The following CBL variants were observed in gnomAD, a reference collection of about 807,000 sequenced individuals.
The protein encoded by CBL is E3 ubiquitin-protein ligase CBL.
A neutral mutation model predicts 96.9 loss-of-function variants in CBL; 45 were observed. That is an observed-to-expected ratio of 0.46 (90% CI 0.37 to 0.60). The LOEUF (loss-of-function observed/expected upper bound fraction) is 0.60. Among genes scored for constraint, CBL ranks in the 20% least tolerant of loss-of-function variants. The pLI, the probability that CBL is intolerant of heterozygous loss-of-function variation, is 0.00. For synonymous variants in CBL, 420 were observed against 426.8 expected (o/e 0.98, Z 0.20); for missense variants, 1,024 against 1,143.5 (o/e 0.90, Z 1.51).
intron 1 of CBL, among the ~76,000 whole-genome samples, chr11:119,230,298 G>T (rs375957741): frequency 6.6e-6 from 1 of 151,812 alleles, no homozygotes; most frequent in African/African-American, 2.4e-5. Context: ...GACTACAGGC[G>T]CCCGCCACCA....
At chr11:119,256,175 G>T (rs949030732) in intron 2 of CBL, among the ~76,000 whole-genome samples, 6 of 151,312 alleles carry the variant, frequency 4.0e-5, no homozygotes, top group African/African-American at 1.2e-4. Flanking sequence ...CATTCTACTT[G>T]ATAGTATTTG....
At chr11:119,245,923 A>AAGCTAAT (rs1346015263) in intron 2 of CBL, among the ~76,000 whole-genome samples, 1 of 145,884 alleles carries the variant, frequency 6.9e-6, no homozygotes, top group Non-Finnish European at 1.5e-5. Flanking sequence ...ATAGCAGCCC[A>AAGCTAAT]AGCAAACTAA....
At chr11:119,296,794 C>T in intron 12 of CBL, 124 bp from the exon 13 acceptor site, 1 of 685,920 alleles carries the variant, frequency 1.5e-6, no homozygotes, top group Non-Finnish European at 2.7e-6. Context: ...ATAATAGTTC[C>T]CTAGGTGACA....
intron 2 of CBL, among the ~76,000 whole-genome samples, chr11:119,254,088 C>G (rs1022773629): frequency 6.6e-6 from 1 of 150,434 alleles, no homozygotes; most frequent in African/African-American, 2.5e-5. Flanking sequence ...GTGCCTCACA[C>G]CTGTAATTCT....
intron 14 of CBL, among the ~76,000 whole-genome samples, chr11:119,297,828 C>T (rs759707782): frequency 3.9e-5 from 6 of 152,202 alleles, no homozygotes; most frequent in African/African-American, 1.4e-4. Flanking sequence ...TCCTTTATTT[C>T]CTACTCACAC....
intron 15 of CBL, 81 bp downstream of exon 15, chr11:119,298,621 C>A: frequency 8.1e-7 from 1 of 1,230,372 alleles, no homozygotes; most frequent in Non-Finnish European, 1.2e-6. Context: ...ATGACCTTCT[C>A]TGGTGACAGT....
intron 9 of CBL, among the ~76,000 whole-genome samples, chr11:119,280,631 A>G (rs959648872): frequency 3.3e-5 from 5 of 152,104 alleles, no homozygotes; most frequent in Non-Finnish European, 7.4e-5. Flanking sequence ...GCTAAAAAAA[A>G]CTTACAAAAA....
chr11:119,226,828 T>TA (rs1949463384), intron 1 of CBL, among the ~76,000 whole-genome samples: 1 of 152,196 alleles, frequency 6.6e-6, no homozygotes, highest in Non-Finnish European at 1.5e-5. Flanking sequence ...TTTAGTCCTT[T>TA]AAAAATTTAA....
chr11:119,230,672 C>T (rs1357551217), intron 1 of CBL, among the ~76,000 whole-genome samples: 5 of 152,100 alleles, frequency 3.3e-5, no homozygotes. Flanking sequence ...TATTTTTTCT[C>T]ATATGGATAA....
At position 119,300,102 on chromosome 11, in the gene CBL, C is replaced by G. The variant is rs1187704283; in HGVS notation, c.*321C>G. ...ATAGAACAAGTATTTTGCTGGAAATCCTAATTGAGGACTTAAGACTTCCTG... is the reference window on the plus strand; with the variant it reads ...ATAGAACAAGTATTTTGCTGGAAATGCTAATTGAGGACTTAAGACTTCCTG... On this transcript the variant is annotated 3_prime_UTR_variant, in exon 16 of 16. Transcript: ENST00000264033. 2 of 550,834 alleles carry G rather than the reference C, an allele frequency of 3.6e-6. No individual in the cohort carries two copies. The highest frequency in any genetic ancestry group is 6.5e-6 in the Non-Finnish European group (2 of 308,712). The allele number at this position is 550,834 out of a possible 1,614,324, so 34.1% of individuals were successfully genotyped here.
rs1949339165 is a variant in CBL, at chr11:119,214,103, G to GC, written c.195+7493dup. ...GGGACTACAGGTGTGTGCTACCACA[G>GC]CCGGCTAATTTTTGTATTTTTAGTA... On this transcript the variant is annotated intron_variant, in intron 1 of 15. Coordinates refer to ENST00000264033, the MANE Select transcript of CBL (RefSeq NM_005188.4). Among the ~76,000 whole-genome samples, 5 of 151,820 alleles carry GC rather than the reference G, an allele frequency of 3.3e-5. No homozygotes were observed. The East Asian group carries it at 9.7e-4, about 29-fold the overall frequency.
At chr11:119,264,388 T>TCTC (rs1949780004) in intron 2 of CBL, among the ~76,000 whole-genome samples, 2 of 133,776 alleles carry the variant, frequency 1.5e-5, no homozygotes, top group African/African-American at 6.1e-5. Flanking sequence ...TTTCTTTTCT[T>TCTC]TTCTCTTCTC....
chr11:119,237,079 G>A (rs1368503291), intron 2 of CBL, among the ~76,000 whole-genome samples: 1 of 152,152 alleles, frequency 6.6e-6, no homozygotes, highest in African/African-American at 2.4e-5. Context: ...TCTCCATGCT[G>A]TATACACTAG....
At chr11:119,276,984 A>G in intron 6 of CBL, among the ~76,000 whole-genome samples, 1 of 152,300 alleles carries the variant, frequency 6.6e-6, no homozygotes, top group East Asian at 1.9e-4. Context: ...AGTGGTTCAC[A>G]CCTGTGATCC....
Position 119,285,090 on chromosome 11 carries a change from C to T in CBL, c.1553C>T (p.Thr518Ile), listed in dbSNP as rs1341096551. The T allele has an allele frequency of 6.2e-7, 1 of 1,614,078 alleles. No individual in the cohort carries two copies. Among genetic ancestry groups the T allele is most frequent in the Non-Finnish European group, 8.5e-7 (1 of 1,180,044 alleles). ...CCCTCAAGTGCTTCTGCTCTTGGAA[C>T]TGCTTCTAAGGTAAAGCATTTTCCA... Reference protein sequence around the residue: ...CVPSSASALGTASKAASGSLH... With the variant: ...CVPSSASALGIASKAASGSLH... Residue 518 changes from threonine (T) to isoleucine (I), a missense_variant, in exon 10 of 16, where the codon ACT (threonine) becomes ATT (isoleucine). Coordinates refer to ENST00000264033, the MANE Select transcript of CBL (RefSeq NM_005188.4).
chr11:119,223,650 GTCTC>G (rs901431526), intron 1 of CBL, among the ~76,000 whole-genome samples: 9 of 149,214 alleles, frequency 6.0e-5, no homozygotes, highest in African/African-American at 1.7e-4. Context: ...TTGAGACAGC[GTCTC>G]TCTCTCTCTG....
chr11:119,241,501 GAAGCTTAT>G (rs1949586351), intron 2 of CBL, among the ~76,000 whole-genome samples: 1 of 152,196 alleles, frequency 6.6e-6, no homozygotes, highest in African/African-American at 2.4e-5. Flanking sequence ...TTCTTTTCAT[GAAGCTTAT>G]AAGCTTATAT....
At chr11:119,216,769 G>T (rs1466650425) in intron 1 of CBL, among the ~76,000 whole-genome samples, 1 of 152,088 alleles carries the variant, frequency 6.6e-6, no homozygotes, top group African/African-American at 2.4e-5. Context: ...AAATGTAGAA[G>T]TCTCCTTTTA....
chr11:119,231,704 G>A (rs150453851), intron 1 of CBL, among the ~76,000 whole-genome samples: 1 of 152,056 alleles, frequency 6.6e-6, no homozygotes, highest in African/African-American at 2.4e-5. Context: ...GTGAAACTCT[G>A]TCTCAAAAAA....
Sources: allele counts gnomAD v4.1 joint callset (sites outside exome capture counted in the v4.1 genomes callset), GRCh38; gene constraint gnomAD v4.1.1; transcripts MANE v1.5; gene names NCBI Gene and HGNC (gene_info 2026-07-23, HGNC 2026-07-21).